ARHGEF12: variants seen among roughly 807,000 people sequenced by gnomAD.
ARHGEF12 encodes the protein KMT2A/ARHGEF12 fusion protein.
In ARHGEF12, 66 loss-of-function variants were observed where a neutral mutation model predicts 211.2. The ratio of observed to expected loss-of-function variants is 0.31; its 90% confidence interval spans 0.26 to 0.38. The LOEUF (loss-of-function observed/expected upper bound fraction) is 0.38. Among genes scored for constraint, ARHGEF12 ranks in the 10% least tolerant of loss-of-function variants. The probability of loss-of-function intolerance (pLI) is 1.00; values close to 1 mark genes in which losing one functional copy is unlikely to be tolerated. For missense variants in ARHGEF12, 1,429 were observed against 1,869.5 expected (o/e 0.76, Z 4.34); for synonymous variants, 592 against 638.4 (o/e 0.93, Z 1.09).
At position 120,420,775 on chromosome 11, in the gene ARHGEF12, C is replaced by T. The variant is rs1945161262; in HGVS notation, c.222C>T (p.Ile74=). The change falls in exon 5 of 41, where the codon ATC becomes ATT. Residue 74 remains isoleucine, a synonymous_variant. Transcript: ENST00000397843. ...CAGGTCTTGTTCAGCGTTGCGTAAT[C>T]ATCCAGAAAGATGACAATGGATTTG... ...EIYGLVQRCV[I]IQKDDNGFGL... 2 of 1,614,090 alleles carry T rather than the reference C, an allele frequency of 1.2e-6. No homozygotes were observed. Among genetic ancestry groups the T allele is most frequent in the Non-Finnish European group, 1.7e-6 (2 of 1,179,984 alleles).
intron 13 of ARHGEF12, 106 bp downstream of exon 13, chr11:120,440,327 T>A: frequency 1.0e-6 from 1 of 968,702 alleles, no homozygotes; most frequent in Non-Finnish European, 1.6e-6. Flanking sequence ...TTGTAAGGAT[T>A]TGAAGCTAAA....
At chr11:120,435,652 C>A (rs991792234) in intron 11 of ARHGEF12, among the ~76,000 whole-genome samples, 14 of 151,470 alleles carry the variant, frequency 9.2e-5, no homozygotes, top group Non-Finnish European at 1.3e-4. Flanking sequence ...GTAGCTGGGA[C>A]TACAGGTGTC....
chr11:120,369,861 C>T (rs1943541114), intron 1 of ARHGEF12, among the ~76,000 whole-genome samples: 1 of 152,098 alleles, frequency 6.6e-6, no homozygotes, highest in Admixed American at 6.6e-5. Context: ...GGGGACGAGG[C>T]AAGCAAATAA....
At chr11:120,377,012 T>C (rs1402802292) in intron 1 of ARHGEF12, among the ~76,000 whole-genome samples, 1 of 152,246 alleles carries the variant, frequency 6.6e-6, no homozygotes, top group Non-Finnish European at 1.5e-5. Context: ...ATTGTGTATA[T>C]GTACCGCATT....
intron 1 of ARHGEF12, among the ~76,000 whole-genome samples, chr11:120,363,048 T>C (rs1468428375): frequency 1.3e-5 from 2 of 151,714 alleles, no homozygotes; most frequent in African/African-American, 4.8e-5. Context: ...TGCAGTGAGC[T>C]GAGATCGCAC....
rs1189411536 is a variant in ARHGEF12 at position 120,347,266 on chromosome 11, CTGTCTGTGTGTGTGTGTG to C, written c.32+9995_32+10012del. Among the ~76,000 whole-genome samples the C allele has an allele frequency of 1.1e-4, 15 of 133,502 alleles. 1 individual carries two copies. Among genetic ancestry groups the C allele is most frequent in the African/African-American group, 1.8e-4 (6 of 32,964 alleles). 87.6% of individuals were successfully genotyped at this position (133,502 alleles called of 152,430 possible). On this transcript the variant is annotated intron_variant, in intron 1 of 40. Transcript: ENST00000397843. ...TCTGTTTCTCTCTCTCTCTCTCTCTCTGTCTGTGTGTGTGTGTGTGTGTGTGTGTGTGTGTGTGTGTAG... is the reference window on the plus strand; with the variant it reads ...TCTGTTTCTCTCTCTCTCTCTCTCTCTGTGTGTGTGTGTGTGTGTGTGTAG...
intron 1 of ARHGEF12, among the ~76,000 whole-genome samples, chr11:120,386,851 G>A (rs1295613858): frequency 2.0e-5 from 3 of 152,064 alleles, no homozygotes; most frequent in East Asian, 1.9e-4. Context: ...TACATTTTGA[G>A]AGATTAAGTG....
chr11:120,398,685 A>G (rs926637260), intron 1 of ARHGEF12, among the ~76,000 whole-genome samples: 5 of 152,152 alleles, frequency 3.3e-5, no homozygotes, highest in African/African-American at 1.2e-4. Flanking sequence ...TTAGTACAAA[A>G]CCAAAAATTT....
Position 120,481,592 on chromosome 11 carries a change from A to G in ARHGEF12, c.4554+16A>G, listed in dbSNP as rs1443316226. 1.2e-6 allele frequency: 2 copies of G among 1,609,484 alleles called. No homozygotes were observed. On this transcript the variant is annotated intron_variant, in intron 39 of 40. Transcript: ENST00000397843. The stretch of plus-strand genomic sequence containing the variant: ...ACACTTAAAGGTACCTCATACTTCC[A>G]CATCCATAGGACTTGGTTGTAAGAA...
rs71050743 is a variant in ARHGEF12 at position 120,399,321 on chromosome 11, C to CAAAAAAAAAAAAAAAAAAAAAA, written c.33-6788_33-6767dup. On this transcript the variant is annotated intron_variant, in intron 1 of 40. Coordinates refer to ENST00000397843, the MANE Select transcript of ARHGEF12 (RefSeq NM_015313.3). ...GAGTGAGAGAGTGAGACATTGTCTC[C>CAAAAAAAAAAAAAAAAAAAAAA]AAAAAAAAAAAAAAAAAAAAAAAAA... Among the ~76,000 whole-genome samples the CAAAAAAAAAAAAAAAAAAAAAA allele has an allele frequency of 1.8e-3, 64 of 36,508 alleles. 2 individuals are homozygous for CAAAAAAAAAAAAAAAAAAAAAA. Among genetic ancestry groups the CAAAAAAAAAAAAAAAAAAAAAA allele is most frequent in the Non-Finnish European group, 2.3e-3 (47 of 20,856 alleles). The allele number at this position is 36,508 out of a possible 152,430, so 24.0% of individuals were successfully genotyped here. A position where few individuals can be genotyped will look rare whatever the true frequency, so the allele number is the denominator to read the frequency against.
At chr11:120,459,954 C>T (rs144824423) in intron 26 of ARHGEF12, among the ~76,000 whole-genome samples, 249 of 152,282 alleles carry the variant, frequency 1.6e-3, no homozygotes, top group African/African-American at 5.7e-3. Flanking sequence ...GTGATCCACC[C>T]GCCTGCCTTG....
chr11:120,458,424 A>ATT, intron 25 of ARHGEF12, 190 bp downstream of exon 25: 1 of 568,948 alleles, frequency 1.8e-6, no homozygotes, highest in Admixed American at 3.8e-5. Flanking sequence ...CTTATTGATA[A>ATT]TTTAAAAGGA....
intron 1 of ARHGEF12, among the ~76,000 whole-genome samples, chr11:120,370,041 A>G (rs1943547786): frequency 6.6e-6 from 1 of 152,178 alleles, no homozygotes; most frequent in Non-Finnish European, 1.5e-5. Context: ...AAATTTTTGC[A>G]GATTTTTAAA....
chr11:120,458,174 A>G lies in ARHGEF12; in HGVS notation c.2320A>G (p.Ser774Gly). ...TDPPNWQQLV[S>G]REVLLGLKPC... ...TCCACCCAACTGGCAGCAGCTTGTT[A>G]GTCGAGAAGTGTTACTGGGACTAAA... Residue 774 changes from serine to glycine, a missense_variant, in exon 25 of 41, where the codon AGT (serine) becomes GGT (glycine). This residue lies in a region of ARHGEF12 where 373 missense variants were observed against 467.5 expected (regional missense o/e 0.80). Coordinates refer to ENST00000397843, the MANE Select transcript of ARHGEF12 (RefSeq NM_015313.3). 6.2e-7 allele frequency: 1 copy of G among 1,612,984 alleles called. No homozygotes were observed. The highest frequency in any genetic ancestry group is 1.7e-4 in the Middle Eastern group (1 of 6,056).
chr11:120,421,693 C>G (rs1945197536), intron 5 of ARHGEF12, 110 bp from the exon 6 acceptor site: 1 of 997,602 alleles, frequency 1.0e-6, no homozygotes, highest in Non-Finnish European at 1.6e-6. Context: ...GCCTCGGCCT[C>G]CCAAAGGACA....
intron 1 of ARHGEF12, among the ~76,000 whole-genome samples, chr11:120,370,348 A>T (rs1343794350): frequency 6.6e-6 from 1 of 152,044 alleles, no homozygotes; most frequent in Non-Finnish European, 1.5e-5. Context: ...CCTTGGTTTG[A>T]CTATTTCTGT....
At chr11:120,340,983 C>G (rs1225307159) in intron 1 of ARHGEF12, among the ~76,000 whole-genome samples, 1 of 152,168 alleles carries the variant, frequency 6.6e-6, no homozygotes, top group Admixed American at 6.5e-5. Flanking sequence ...GAAATCATTA[C>G]AAAAATATGT....
At chr11:120,364,218 C>T (rs746009681) in intron 1 of ARHGEF12, among the ~76,000 whole-genome samples, 2 of 151,830 alleles carry the variant, frequency 1.3e-5, no homozygotes, top group Non-Finnish European at 2.9e-5. Context: ...TCTTGGGCAC[C>T]AAACAAAAAA....
chr11:120,409,070 A>T, intron 3 of ARHGEF12: 1 of 278,786 alleles, frequency 3.6e-6, no homozygotes. Flanking sequence ...AAAGATGTAT[A>T]CAATGCTTCA....
Sources: gnomAD v4.1 joint callset for allele counts (sites outside exome capture counted in the v4.1 genomes callset) on GRCh38, gnomAD v4.1.1 for gene constraint, gnomAD v4.1.1 regional missense constraint, MANE v1.5 for transcripts, NCBI Gene and HGNC (gene_info 2026-07-23, HGNC 2026-07-21) for gene names.